The following WDR87 variants were observed in gnomAD, a reference collection of about 807,000 sequenced individuals.
WDR87 encodes WD repeat-containing protein 87.
Under a neutral mutation model 83.3 loss-of-function variants are expected in WDR87, and 56 were observed. The observed-to-expected ratio is 0.67, with a 90% CI of 0.54 to 0.84. The LOEUF (loss-of-function observed/expected upper bound fraction) is 0.84. WDR87 is among the 40% of genes least tolerant of loss of function. The pLI is 0.00. For synonymous variants in WDR87, 1,173 were observed against 1,250.6 expected, an observed-to-expected ratio of 0.94 and a Z score of 1.31; for missense variants, 2,939 against 3,431.9, an observed-to-expected ratio of 0.86 and a Z score of 3.59.
In WDR87 at chr19:37,888,791, C is replaced by G. The variant is rs755582407; in HGVS notation, c.4880G>C (p.Arg1627Pro). The change falls in exon 6 of 6, where the codon CGA becomes CCA. Residue 1627 changes from arginine to proline, a missense_variant. By Grantham distance (103) the Arg-to-Pro change is moderately radical. Coordinates refer to ENST00000447313, the MANE Select transcript of WDR87 (RefSeq NM_001291088.2). ...TGCTAATTTCCTCTCTTCTTGGGCTCGTTTTTTTTCAGCTCGGGCTCGTTT... is the reference window on the plus strand; with the variant it reads ...TGCTAATTTCCTCTCTTCTTGGGCTGGTTTTTTTTCAGCTCGGGCTCGTTT... ...HRKRARAEKK[R>P]AQEERKLAQE... 58 of 1,551,622 alleles carry G rather than the reference C, an allele frequency of 3.7e-5. 1 individual carries two copies. The highest frequency in any genetic ancestry group is 3.3e-4 in the Middle Eastern group (2 of 5,996).
Position 37,888,626 on chromosome 19 carries a change from GT to G in WDR87, c.5044del (p.Thr1682HisfsTer9), listed in dbSNP as rs1355198326. The stretch of plus-strand genomic sequence containing the variant: ...TAGCTTCTCCCCTCTTTGGGCCAGT[GT>G]TTCCTCTTTCTGGGCAAACTTACCC... The part of the protein sequence containing the change: ...AEGKFAQKEE[T>X]LAQRGEKLSQ... On this transcript the variant is annotated frameshift_variant, in exon 6 of 6. Coordinates refer to ENST00000447313, the MANE Select transcript of WDR87 (RefSeq NM_001291088.2). LOFTEE classifies it low-confidence loss of function (END_TRUNC). 1 of 1,551,630 alleles carries G rather than the reference GT, an allele frequency of 6.4e-7. No individual in the cohort carries two copies.
At chr19:37,891,519 C>A (rs369095976) in intron 5 of WDR87, 33 bp downstream of exon 5, 84 of 1,547,004 alleles carry the variant, frequency 5.4e-5, no homozygotes, top group Non-Finnish European at 6.7e-5. Flanking sequence ...TCTTGGGGAC[C>A]CTGAGGCACA....
At position 37,896,209 on chromosome 19, in the gene WDR87, A is replaced by G. The variant is rs769177493; in HGVS notation, c.175T>C (p.Cys59Arg). The G allele has an allele frequency of 8.4e-6, 13 of 1,552,338 alleles. No individual in the cohort carries two copies. The highest frequency in any genetic ancestry group is 7.8e-5 in the Admixed American group (4 of 51,014). Residue 59 changes from cysteine to arginine, a missense_variant, in exon 3 of 6, where the codon TGC (cysteine) becomes CGC (arginine). Physicochemically the swap from Cys to Arg is radical, Grantham distance 180. This residue lies in a region of WDR87 where 226 missense variants were observed against 320.9 expected (regional missense o/e 0.70). Transcript: ENST00000447313. ...SRYPQNMPCV[C>R]YYFSDAHFFA... The stretch of plus-strand genomic sequence containing the variant: ...AAGTGGGCATCACTGAAGTAATAGC[A>G]TACACACGGCATATTTTGAGGATAG...
chr19:37,897,554 G>A (rs2046265884), intron 2 of WDR87, among the ~76,000 whole-genome samples: 1 of 151,988 alleles, frequency 6.6e-6, no homozygotes, highest in Admixed American at 6.6e-5. Flanking sequence ...AACTGAGCTT[G>A]GCAACTGTTT....
chr19:37,893,209 G>T lies in WDR87; in HGVS notation c.2494C>A (p.Arg832Ser). Residue 832 changes from arginine to serine, a missense_variant, in exon 4 of 6, where the codon CGT becomes AGT. By Grantham distance (110) the Arg-to-Ser change is moderately radical (BLOSUM62 -1). Transcript: ENST00000447313. The stretch of plus-strand genomic sequence containing the variant: ...ATTGGGGTGCCCTCTGGCCAAAGAC[G>T]GGCACGAATCACTGAATTGGGGATA... ...CYIPNSVIRA[R>S]LWPEGTPIYL... The T allele has an allele frequency of 6.4e-7, 1 of 1,551,886 alleles. No individual in the cohort carries two copies. The highest frequency in any genetic ancestry group is 8.7e-7 in the Non-Finnish European group (1 of 1,147,042).
At position 37,889,164 on chromosome 19, in the gene WDR87, A is replaced by AG; in HGVS notation, c.4506dup (p.Trp1503LeufsTer3). ...CCATGGACCTGTTTCCACTCATCCC[A>AG]GGCCTTTTTCCAGTCCTGCCAAGAT... is the stretch of plus-strand genomic sequence containing the variant. On this transcript the variant is annotated frameshift_variant, in exon 6 of 6. Coordinates refer to ENST00000447313, the MANE Select transcript of WDR87 (RefSeq NM_001291088.2). LOFTEE classifies it low-confidence loss of function (END_TRUNC). 1.3e-6 allele frequency: 2 copies of AG among 1,552,134 alleles called. No individual in the cohort carries two copies. The highest frequency in any genetic ancestry group is 1.7e-6 in the Non-Finnish European group (2 of 1,147,094).
Position 37,894,732 on chromosome 19 carries a change from C to T in WDR87, c.971G>A (p.Gly324Asp). ...SGSLLRRLEL[G>D]EELYRLQFID... ...AAACTGGAGCCGGTATAGCTCCTCA[C>T]CAAGCTCTAGCCGCCGAAGCAGGCT... Residue 324 changes from glycine (G) to aspartate (D), a missense_variant, in exon 4 of 6, where the codon GGT (glycine) becomes GAT (aspartate). Around this residue, in one of 3 missense-constraint regions of WDR87, gnomAD observed 553 missense variants for 577.9 expected, o/e 0.96. Transcript: ENST00000447313. 2 of 1,551,714 alleles carry T rather than the reference C, an allele frequency of 1.3e-6. No individual in the cohort carries two copies. Among genetic ancestry groups the T allele is most frequent in the Admixed American group, 2.0e-5 (1 of 51,008 alleles).
intron 4 of WDR87, 89 bp from the exon 5 acceptor site, chr19:37,891,909 A>G: frequency 6.8e-7 from 1 of 1,466,946 alleles, no homozygotes; most frequent in Non-Finnish European, 9.0e-7. Context: ...AACAGGCAGG[A>G]GGCTTGGCAA....
chr19:37,905,469 T>TA (rs2046320087), intron 1 of WDR87, among the ~76,000 whole-genome samples: 2 of 150,382 alleles, frequency 1.3e-5, no homozygotes, highest in Admixed American at 6.7e-5. Flanking sequence ...AAAAAGTAAA[T>TA]AATAATGATA....
At position 37,893,811 on chromosome 19, in the gene WDR87, C is replaced by A; in HGVS notation, c.1892G>T (p.Arg631Leu). The A allele has an allele frequency of 6.4e-7, 1 of 1,551,670 alleles. No homozygotes were observed. Among genetic ancestry groups the A allele is most frequent in the Non-Finnish European group, 8.7e-7 (1 of 1,147,016 alleles). Residue 631 changes from arginine (R) to leucine (L), a missense_variant, in exon 4 of 6, where the codon CGG becomes CTG. This residue lies in a region of WDR87 where 553 missense variants were observed against 577.9 expected (regional missense o/e 0.96). Coordinates refer to ENST00000447313, the MANE Select transcript of WDR87 (RefSeq NM_001291088.2). ...FVTGSADGSV[R>L]IWDFHGRLIG... ...GAGTCTGCCATGGAAGTCCCAGATC[C>A]GAACAGAGCCATCGGCAGAACCTGT...
Position 37,887,786 on chromosome 19 carries a change from A to C in WDR87, c.5885T>G (p.Leu1962Trp), listed in dbSNP as rs545774446. The C allele has an allele frequency of 6.4e-7, 1 of 1,551,830 alleles. No individual in the cohort carries two copies. Among genetic ancestry groups the C allele is most frequent in the East Asian group, 2.4e-5 (1 of 40,912 alleles). Residue 1962 changes from leucine (L) to tryptophan (W), a missense_variant, in exon 6 of 6, where the codon TTG (leucine) becomes TGG (tryptophan). Around this residue, in one of 3 missense-constraint regions of WDR87, gnomAD observed 2,160 missense variants for 2,533.1 expected, o/e 0.85. Coordinates refer to ENST00000447313, the MANE Select transcript of WDR87 (RefSeq NM_001291088.2). ...GGCCAATTTCTCCTGTTTTTTGGCC[A>C]AACTATCCTCTACTTGGACCAATTT... ...EKKLVQVEDSLAKKQEKLAQE... is the reference protein window; with the variant it reads ...EKKLVQVEDSWAKKQEKLAQE...
chr19:37,891,797 G>T lies in WDR87; in HGVS notation c.3149C>A (p.Pro1050His). ...CCGCATCCCCAGTAGATGGTCCAGG[G>T]GTTCCTCCCCGATCATCTGCTGCCT... ...EMQQQMIGEEPLDHLLGMRAT... is the reference protein window; with the variant it reads ...EMQQQMIGEEHLDHLLGMRAT... Residue 1050 changes from proline (P) to histidine (H), a missense_variant, in exon 5 of 6, where the codon CCC (proline) becomes CAC (histidine). This residue lies in a region of WDR87 where 2,160 missense variants were observed against 2,533.1 expected (regional missense o/e 0.85). Coordinates refer to ENST00000447313, the MANE Select transcript of WDR87 (RefSeq NM_001291088.2). 1 of 1,552,118 alleles carries T rather than the reference G, an allele frequency of 6.4e-7. No individual in the cohort carries two copies. Among genetic ancestry groups the T allele is most frequent in the Non-Finnish European group, 8.7e-7 (1 of 1,147,068 alleles).
Position 37,884,994 on chromosome 19 carries a change from G to C in WDR87, c.8677C>G (p.Leu2893Val), listed in dbSNP as rs781062829. 9.3e-5 allele frequency: 131 copies of C among 1,401,688 alleles called. No individual in the cohort carries two copies. Among genetic ancestry groups the C allele is most frequent in the Non-Finnish European group, 1.2e-4 (131 of 1,074,216 alleles). The allele number at this position is 1,401,688 out of a possible 1,614,324, so 86.8% of individuals were successfully genotyped here. Residue 2893 changes from leucine (L) to valine (V), a missense_variant, in exon 6 of 6, where the codon CTG (leucine) becomes GTG (valine). By Grantham distance (32) the Leu-to-Val change is conservative. This residue lies in a region of WDR87 where 2,160 missense variants were observed against 2,533.1 expected (regional missense o/e 0.85). Transcript: ENST00000447313. The part of the protein sequence containing the change: ...YGILELAWKS[L>V]PEADLHLTKA... ...GTGAGATGAAGATCAGCTTCAGGCA[G>C]GCTCTTCCAGGCAAGTTCTAAGATC...
intron 1 of WDR87, among the ~76,000 whole-genome samples, chr19:37,904,526 T>C (rs894524111): frequency 6.6e-6 from 1 of 151,890 alleles, no homozygotes; most frequent in African/African-American, 2.4e-5. Flanking sequence ...ACCCAGCGAA[T>C]TTTTTGTATT....
At chr19:37,901,697 C>G (rs777801537) in intron 1 of WDR87, among the ~76,000 whole-genome samples, 2 of 151,840 alleles carry the variant, frequency 1.3e-5, no homozygotes, top group African/African-American at 2.4e-5. Context: ...CCCCAAATCT[C>G]TATGTTTATT....
Position 37,889,093 on chromosome 19 carries a change from C to T in WDR87, c.4578G>A (p.Lys1526=). The T allele has an allele frequency of 1.3e-6, 2 of 1,552,220 alleles. No individual in the cohort carries two copies. The highest frequency in any genetic ancestry group is 2.4e-5 in the East Asian group (1 of 40,920). ...SWKAWKEEWE[K]RLLQEEEKLH... is the part of the protein sequence containing the mutation. ...GTTTCTCCTCTTCCTGAAGAAGCCTCTTCTCCCATTCTTCCTTCCATGCCT... is the reference window on the plus strand; with the variant it reads ...GTTTCTCCTCTTCCTGAAGAAGCCTTTTCTCCCATTCTTCCTTCCATGCCT... Residue 1526 remains lysine, a synonymous_variant, in exon 6 of 6, where the codon AAG becomes AAA. Coordinates refer to ENST00000447313, the MANE Select transcript of WDR87 (RefSeq NM_001291088.2).
Position 37,893,833 on chromosome 19 carries a change from C to G in WDR87, c.1870G>C (p.Gly624Arg). 6.4e-7 allele frequency: 1 copy of G among 1,551,740 alleles called. No homozygotes were observed. The highest frequency in any genetic ancestry group is 8.7e-7 in the Non-Finnish European group (1 of 1,147,010). The change falls in exon 4 of 6, where the codon GGT becomes CGT. Residue 624 changes from glycine to arginine, a missense_variant. Physicochemically the swap from Gly to Arg is moderately radical, Grantham distance 125 (BLOSUM62 -2). This residue lies in a region of WDR87 where 553 missense variants were observed against 577.9 expected (regional missense o/e 0.96). Coordinates refer to ENST00000447313, the MANE Select transcript of WDR87 (RefSeq NM_001291088.2). ...VCLSLSLFVT[G>R]SADGSVRIWD... is the part of the protein sequence containing the mutation. ...ATCCGAACAGAGCCATCGGCAGAACCTGTGACAAAAAGACTCAAGGAGAGG... is the reference window on the plus strand; with the variant it reads ...ATCCGAACAGAGCCATCGGCAGAACGTGTGACAAAAAGACTCAAGGAGAGG...
chr19:37,888,611 C>T lies in WDR87; in HGVS notation c.5060G>A (p.Gly1687Glu). ...AQKEETLAQR[G>E]EKLSQEAEKL... ...CTCCGCCTCCTGGCTTAGCTTCTCC[C>T]CTCTTTGGGCCAGTGTTTCCTCTTT... The change falls in exon 6 of 6, where the codon GGG becomes GAG. Residue 1687 changes from glycine (G) to glutamate (E), a missense_variant. Physicochemically the swap from Gly to Glu is moderately conservative, Grantham distance 98 (BLOSUM62 -2). Transcript: ENST00000447313. The T allele has an allele frequency of 6.4e-7, 1 of 1,551,958 alleles. No homozygotes were observed. The highest frequency in any genetic ancestry group is 8.7e-7 in the Non-Finnish European group (1 of 1,147,074).
intron 4 of WDR87, among the ~76,000 whole-genome samples, chr19:37,892,218 C>T (rs961634132): frequency 2.0e-5 from 3 of 152,118 alleles, no homozygotes; most frequent in African/African-American, 4.8e-5. Flanking sequence ...TATAGTGAGA[C>T]TCTGTCTCTA....
Sources: gnomAD v4.1 joint callset for allele counts (sites outside exome capture counted in the v4.1 genomes callset) on GRCh38, gnomAD v4.1.1 for gene constraint, gnomAD v4.1.1 regional missense constraint, MANE v1.5 for transcripts, NCBI Gene and HGNC (gene_info 2026-07-23, HGNC 2026-07-21) for gene names.